Variants in HSPH1 observed in about 807,000 individuals in gnomAD.
HSPH1 encodes the protein heat shock protein family H (Hsp110) member 1.
In HSPH1, 40 loss-of-function variants were observed where a neutral mutation model predicts 100.0. The ratio of observed to expected loss-of-function variants is 0.40; its 90% CI spans 0.31 to 0.52. The LOEUF (loss-of-function observed/expected upper bound fraction) is 0.52. HSPH1 is among the 20% of genes least tolerant of loss of function. HSPH1 has a pLI of 0.54. For synonymous variants in HSPH1, 403 were observed against 344.0 expected, an observed-to-expected ratio of 1.17 and a Z score of -1.90; for missense variants, 876 against 1,015.1, an observed-to-expected ratio of 0.86 and a Z score of 1.86.
intron 1 of HSPH1, 27 bp downstream of exon 1, chr13:31,161,449 C>T (rs759924151): frequency 3.7e-6 from 6 of 1,613,130 alleles, no homozygotes; most frequent in South Asian, 3.3e-5. Flanking sequence ...AACCTCCTCC[C>T]ATCCACCCTC....
chr13:31,146,040 C>T (rs545873193), intron 10 of HSPH1, among the ~76,000 whole-genome samples: 6 of 152,158 alleles, frequency 3.9e-5, no homozygotes, highest in Non-Finnish European at 8.8e-5. Flanking sequence ...GAGTCTGAGG[C>T]GGGAGGACTC....
Position 31,152,940 on chromosome 13 carries a change from G to A in HSPH1, c.441C>T (p.Phe147=), listed in dbSNP as rs1956540921. The change falls in exon 5 of 18, where the codon TTC becomes TTT. Residue 147 remains phenylalanine, a synonymous_variant. Transcript: ENST00000320027. ...VTDCVISVPS[F]FTDAERRSVL... The stretch of plus-strand genomic sequence containing the variant: ...CAGATCGCCTCTCAGCATCTGTAAA[G>A]AAGGAGGGGACCTACAAACAAACAA... 6.2e-7 allele frequency: 1 copy of A among 1,610,652 alleles called. No individual in the cohort carries two copies. The highest frequency in any genetic ancestry group is 2.2e-5 in the East Asian group (1 of 44,798).
intron 1 of HSPH1, among the ~76,000 whole-genome samples, chr13:31,161,069 C>T (rs1593221835): frequency 2.0e-5 from 3 of 152,216 alleles, no homozygotes; most frequent in South Asian, 2.1e-4. Flanking sequence ...GGCGGCTCAG[C>T]CAGCTCAGAG....
At chr13:31,160,756 T>C (rs530938036) in intron 1 of HSPH1, among the ~76,000 whole-genome samples, 1 of 152,270 alleles carries the variant, frequency 6.6e-6, no homozygotes, top group South Asian at 2.1e-4. Context: ...AAAAATACGG[T>C]TTACAATTCC....
Position 31,147,991 on chromosome 13 carries a change from G to A in HSPH1, c.1346C>T (p.Pro449Leu), listed in dbSNP as rs1872447527. Residue 449 changes from proline (P) to leucine (L), a missense_variant, in exon 10 of 18, where the codon CCC (proline) becomes CTC (leucine). Transcript: ENST00000320027. ...TGCTTCTGGATATGGAACTCCTTGG[G>A]GATCAGAATAGAAAGCTTCTAGCTC... ...PFELEAFYSDPQGVPYPEAKI... is the reference protein window; with the variant it reads ...PFELEAFYSDLQGVPYPEAKI... 21 of 1,604,274 alleles carry A rather than the reference G, an allele frequency of 1.3e-5. No homozygotes were observed. Among genetic ancestry groups the A allele is most frequent in the Non-Finnish European group, 1.8e-5 (21 of 1,177,302 alleles).
At chr13:31,159,334 T>C (rs551863303) in intron 1 of HSPH1, among the ~76,000 whole-genome samples, 1 of 152,178 alleles carries the variant, frequency 6.6e-6, no homozygotes, top group East Asian at 1.9e-4. Flanking sequence ...CGCAAGCAAA[T>C]GAACCCAAGT....
chr13:31,155,438 A>C (rs1355873868), intron 3 of HSPH1, 76 bp downstream of exon 3: 6 of 1,199,288 alleles, frequency 5.0e-6, no homozygotes, highest in Non-Finnish European at 7.0e-6. Flanking sequence ...AAGAAATTTA[A>C]GTAATAACTC....
chr13:31,152,813 G>A (rs1956536103), intron 5 of HSPH1, 39 bp downstream of exon 5: 1 of 1,290,920 alleles, frequency 7.7e-7, no homozygotes, highest in Admixed American at 1.7e-5. Context: ...CTTTAGTTCT[G>A]ATAGTATATT....
chr13:31,152,539 CA>C (rs1256703052), intron 5 of HSPH1: 1 of 221,772 alleles, frequency 4.5e-6, no homozygotes, highest in Non-Finnish European at 9.0e-6. Flanking sequence ...TTTTGAAGCC[CA>C]GAATTTTAAG....
At chr13:31,160,228 T>C (rs1055726971) in intron 1 of HSPH1, among the ~76,000 whole-genome samples, 1 of 152,212 alleles carries the variant, frequency 6.6e-6, no homozygotes, top group Non-Finnish European at 1.5e-5. Flanking sequence ...AAGCCTGAAA[T>C]ACTGTTTTCT....
rs117581269 is a variant in HSPH1, at chr13:31,154,417, C to A, written c.429+216G>T. ...AAATCTGTATTTTCAAAAAGTCTCA[C>A]AAGAGATTTTGATTTCCAGTCAAGA... On this transcript the variant is annotated intron_variant, in intron 4 of 17. Coordinates refer to ENST00000320027, the MANE Select transcript of HSPH1 (RefSeq NM_006644.4). 553 of 593,416 alleles carry A rather than the reference C, an allele frequency of 9.3e-4. 4 individuals are homozygous for A. The East Asian group carries it at 0.015, about 16-fold the overall frequency. 36.8% of individuals were successfully genotyped at this position (593,416 alleles called of 1,614,324 possible).
chr13:31,137,890 C>G (rs1216920899), intron 17 of HSPH1, among the ~76,000 whole-genome samples: 1 of 152,126 alleles, frequency 6.6e-6, no homozygotes, highest in African/African-American at 2.4e-5. Flanking sequence ...CAGCTTGAAA[C>G]TGACAGTGCT....
chr13:31,147,253 T>C (rs2137580767), intron 10 of HSPH1, among the ~76,000 whole-genome samples: 1 of 152,304 alleles, frequency 6.6e-6, no homozygotes, highest in East Asian at 1.9e-4. Flanking sequence ...TCATGAAAAC[T>C]GTTTTTAACA....
chr13:31,138,966 C>T, intron 15 of HSPH1, 34 bp downstream of exon 15: 1 of 1,584,694 alleles, frequency 6.3e-7, no homozygotes, highest in Non-Finnish European at 8.7e-7. Flanking sequence ...GTTTAAAACA[C>T]AAGTACCACC....
intron 17 of HSPH1, 99 bp from the exon 18 acceptor site, chr13:31,137,623 T>G (rs1193958499): frequency 1.3e-6 from 1 of 782,560 alleles, no homozygotes; most frequent in African/African-American, 1.7e-5. Flanking sequence ...TTCTACCAAC[T>G]CCAATTACAC....
At position 31,137,271 on chromosome 13, in the gene HSPH1, G is replaced by A. The variant is rs751705507; in HGVS notation, c.*47C>T. The stretch of plus-strand genomic sequence containing the variant: ...TATGTTATGTAGAGTCACATACTAT[G>A]GCAAAAATATTTTATTAATTGAAGG... On this transcript the variant is annotated 3_prime_UTR_variant, in exon 18 of 18. Transcript: ENST00000320027. 1 of 1,181,768 alleles carries A rather than the reference G, an allele frequency of 8.5e-7. No individual in the cohort carries two copies. Among genetic ancestry groups the A allele is most frequent in the Non-Finnish European group, 1.2e-6 (1 of 807,668 alleles). 73.2% of individuals were successfully genotyped at this position (1,181,768 alleles called of 1,614,324 possible). A position where few individuals can be genotyped will look rare whatever the true frequency, so the allele number is the denominator to read the frequency against.
chr13:31,141,096 T>C (rs762180487), intron 13 of HSPH1, 26 bp downstream of exon 13: 12 of 1,411,182 alleles, frequency 8.5e-6, no homozygotes, highest in Non-Finnish European at 1.2e-5. Context: ...TATTTCAAAA[T>C]AAAAATATTT....
chr13:31,159,715 T>C (rs533380684), intron 1 of HSPH1, among the ~76,000 whole-genome samples: 5 of 152,282 alleles, frequency 3.3e-5, no homozygotes, highest in African/African-American at 1.2e-4. Context: ...GTATGAGTAA[T>C]GGTAAACGAG....
chr13:31,148,261 G>C, intron 9 of HSPH1, 113 bp downstream of exon 9: 1 of 1,013,214 alleles, frequency 9.9e-7, no homozygotes, highest in Non-Finnish European at 1.5e-6. Flanking sequence ...AAAGATTCCA[G>C]GTAAATTAAT....
Sources: allele counts gnomAD v4.1 joint callset (sites outside exome capture counted in the v4.1 genomes callset), GRCh38; gene constraint gnomAD v4.1.1; transcripts MANE v1.5; gene names NCBI Gene and HGNC (gene_info 2026-07-23, HGNC 2026-07-21).